IPCEF1: variants seen among roughly 807,000 people sequenced by gnomAD.
IPCEF1 encodes interaction protein for cytohesin exchange factors 1, also known as interactor protein for cytohesin exchange factors 1.
A neutral mutation model predicts 50.9 loss-of-function variants in IPCEF1; 31 were observed. That is an observed-to-expected ratio of 0.61 (90% CI 0.46 to 0.82). The LOEUF is 0.82. IPCEF1 is among the 40% of genes least tolerant of loss of function. The pLI, the probability that IPCEF1 is intolerant of heterozygous loss-of-function variation, is 0.00. For synonymous variants in IPCEF1, 181 were observed against 192.0 expected (o/e 0.94, Z 0.47); for missense variants, 458 against 514.0 (o/e 0.89, Z 1.05).
intron 2 of IPCEF1, among the ~76,000 whole-genome samples, chr6:154,273,827 C>CGCT: frequency 7.0e-6 from 1 of 142,040 alleles, no homozygotes; most frequent in East Asian, 2.0e-4. Context: ...CATCTCGGCT[C>CGCT]GCTGCAAGCT....
At chr6:154,318,589 C>T (rs984043446) in intron 1 of IPCEF1, among the ~76,000 whole-genome samples, 7 of 151,752 alleles carry the variant, frequency 4.6e-5, no homozygotes, top group Non-Finnish European at 7.4e-5. Context: ...TGGTGGCTCA[C>T]GCCTCTAGTC....
chr6:154,212,802 G>T lies in IPCEF1; in HGVS notation c.505C>A (p.Pro169Thr). Residue 169 changes from proline to threonine, a missense_variant, in exon 9 of 12, where the codon CCC (proline) becomes ACC (threonine). Coordinates refer to ENST00000367220, the MANE Select transcript of IPCEF1 (RefSeq NM_001130700.2). ...TGAGTCTGGGAAGCGTGAGGAGGGG[G>T]TGGTGTCTCCGCAGCTATTTCTGGA... is the stretch of plus-strand genomic sequence containing the variant. ...EDPEIAAETP[P>T]PPHASQTQSL... 5.6e-6 allele frequency: 9 copies of T among 1,613,610 alleles called. No individual in the cohort carries two copies. The highest frequency in any genetic ancestry group is 7.6e-6 in the Non-Finnish European group (9 of 1,179,480).
intron 10 of IPCEF1, among the ~76,000 whole-genome samples, chr6:154,190,121 C>A (rs1386613922): frequency 6.6e-6 from 1 of 152,098 alleles, no homozygotes; most frequent in Non-Finnish European, 1.5e-5. Flanking sequence ...CAGTTTGAAT[C>A]TGGTCCCAAA....
At chr6:154,204,472 C>T (rs1180521611) in intron 9 of IPCEF1, among the ~76,000 whole-genome samples, 1 of 152,148 alleles carries the variant, frequency 6.6e-6, no homozygotes, top group Non-Finnish European at 1.5e-5. Context: ...ATAAACCAGT[C>T]AATTGTTGTT....
Position 154,199,982 on chromosome 6 carries a change from G to C in IPCEF1, c.596C>G (p.Ser199Cys). 1 of 1,614,182 alleles carries C rather than the reference G, an allele frequency of 6.2e-7. No individual in the cohort carries two copies. The highest frequency in any genetic ancestry group is 8.5e-7 in the Non-Finnish European group (1 of 1,180,020). Reference sequence around the variant, plus strand: ...TGTCTTCACTGTATTTTCCAGGGAAGAGAAAGAATACGACGTTCCACTCAG... The same window carrying C: ...TGTCTTCACTGTATTTTCCAGGGAACAGAAAGAATACGACGTTCCACTCAG... ...PSLSGTSYSF[S>C]SLENTVKTPS... The change falls in exon 10 of 12, where the codon TCT becomes TGT. Residue 199 changes from serine to cysteine, a missense_variant. Transcript: ENST00000367220.
chr6:154,337,997 C>T (rs575857969), intron 1 of IPCEF1, among the ~76,000 whole-genome samples: 50 of 152,096 alleles, frequency 3.3e-4, no homozygotes, highest in Non-Finnish European at 4.4e-4. Context: ...CCAAAGCCAT[C>T]CTACTAGTCA....
At chr6:154,324,180 G>A (rs140925772) in intron 1 of IPCEF1, among the ~76,000 whole-genome samples, 86 of 152,304 alleles carry the variant, frequency 5.6e-4, no homozygotes, top group African/African-American at 2.0e-3. Flanking sequence ...GAGGCATGTG[G>A]CTTATCCAAC....
intron 1 of IPCEF1, among the ~76,000 whole-genome samples, chr6:154,352,141 A>C (rs768130701): frequency 3.0e-4 from 45 of 152,224 alleles, no homozygotes; most frequent in Non-Finnish European, 5.1e-4. Flanking sequence ...CGTAAAGTAA[A>C]AGTTGAAGAA....
chr6:154,166,027 G>T (rs1339961485), intron 11 of IPCEF1, among the ~76,000 whole-genome samples: 3 of 152,258 alleles, frequency 2.0e-5, no homozygotes, highest in African/African-American at 7.2e-5. Context: ...TGCAGCCCCA[G>T]CTGACAGCTT....
Position 154,158,864 on chromosome 6 carries a change from T to G in IPCEF1, c.*964A>C, listed in dbSNP as rs1798816328. 6.6e-6 allele frequency: 1 copy of G among 152,146 alleles called. No homozygotes were observed. Among genetic ancestry groups the G allele is most frequent in the African/African-American group, 2.4e-5 (1 of 41,430 alleles). 9.4% of individuals were successfully genotyped at this position (152,146 alleles called of 1,614,324 possible). A position where few individuals can be genotyped will look rare whatever the true frequency, so the allele number is the denominator to read the frequency against. ...CAAGTGACATATAAACATACAAAAA[T>G]AAATCCCTCATGTTTAACTCTTTTG... is the stretch of plus-strand genomic sequence containing the variant. On this transcript the variant is annotated 3_prime_UTR_variant, in exon 12 of 12. Transcript: ENST00000367220.
intron 1 of IPCEF1, among the ~76,000 whole-genome samples, chr6:154,340,948 T>C (rs750159577): frequency 6.6e-6 from 1 of 151,462 alleles, no homozygotes; most frequent in East Asian, 1.9e-4. Context: ...TATGTACACA[T>C]ATTATATTTA....
intron 10 of IPCEF1, among the ~76,000 whole-genome samples, chr6:154,188,533 G>A (rs1316762656): frequency 6.6e-6 from 1 of 152,196 alleles, no homozygotes; most frequent in Admixed American, 6.5e-5. Context: ...ATTTCACTGG[G>A]TGATTCTAAA....
chr6:154,195,791 A>AT (rs34769762), intron 10 of IPCEF1, among the ~76,000 whole-genome samples: 3,084 of 130,544 alleles, frequency 0.024, 84 homozygotes, highest in African/African-American at 0.069. Flanking sequence ...CTTGTTCACA[A>AT]TTTTTTTTTT....
At chr6:154,322,662 C>T (rs558959454) in intron 1 of IPCEF1, among the ~76,000 whole-genome samples, 1 of 152,054 alleles carries the variant, frequency 6.6e-6, no homozygotes, top group Non-Finnish European at 1.5e-5. Flanking sequence ...CATGGTGAAA[C>T]TCCCTCTCTA....
chr6:154,190,522 G>A (rs1801779696), intron 10 of IPCEF1, among the ~76,000 whole-genome samples: 1 of 152,196 alleles, frequency 6.6e-6, no homozygotes, highest in Non-Finnish European at 1.5e-5. Context: ...ACGTTGGCAA[G>A]GATGTGAAGC....
At chr6:154,171,061 G>A (rs1799830043) in intron 10 of IPCEF1, among the ~76,000 whole-genome samples, 1 of 152,122 alleles carries the variant, frequency 6.6e-6, no homozygotes, top group Non-Finnish European at 1.5e-5. Context: ...TTAGAAAATA[G>A]TTTGTCCATT....
intron 10 of IPCEF1, among the ~76,000 whole-genome samples, chr6:154,199,267 C>A (rs1171915871): frequency 1.3e-5 from 2 of 152,228 alleles, no homozygotes; most frequent in Non-Finnish European, 2.9e-5. Context: ...GAGAAAGTGG[C>A]TGATCTAAGC....
At chr6:154,295,869 A>G (rs1036888797) in intron 1 of IPCEF1, among the ~76,000 whole-genome samples, 31 of 36,048 alleles carry the variant, frequency 8.6e-4, no homozygotes, top group Middle Eastern at 0.024. Context: ...GTGCACACGC[A>G]CACACACACA....
chr6:154,256,407 G>C (rs983794649), intron 3 of IPCEF1, among the ~76,000 whole-genome samples: 6 of 152,250 alleles, frequency 3.9e-5, no homozygotes, highest in Admixed American at 3.3e-4. Context: ...TTGAATAGGA[G>C]GGACACAAAT....
Sources: allele counts gnomAD v4.1 joint callset (sites outside exome capture counted in the v4.1 genomes callset), GRCh38; gene constraint gnomAD v4.1.1; transcripts MANE v1.5; gene names NCBI Gene and HGNC (gene_info 2026-07-23, HGNC 2026-07-21).